The following TCF7L2 variants were observed in gnomAD, a reference collection of about 807,000 sequenced individuals.
TCF7L2 encodes the protein transcription factor 7-like 2.
A neutral mutation model predicts 77.9 loss-of-function variants in TCF7L2; 23 were observed. The observed-to-expected ratio is 0.30, with a 90% CI of 0.21 to 0.42. The LOEUF (loss-of-function observed/expected upper bound fraction) is 0.42, where lower values mean the gene tolerates loss of function less well. TCF7L2 is among the 10% of genes least tolerant of loss of function. The pLI is 1.00. For missense variants in TCF7L2, 654 were observed against 793.1 expected, an observed-to-expected ratio of 0.82 and a Z score of 2.11; for synonymous variants, 413 against 340.2, an observed-to-expected ratio of 1.21 and a Z score of -2.36.
At chr10:113,138,194 A>AT (rs961352464) in intron 5 of TCF7L2, among the ~76,000 whole-genome samples, 9 of 151,870 alleles carry the variant, frequency 5.9e-5, no homozygotes, top group African/African-American at 1.9e-4. Flanking sequence ...TACAGGTCCC[A>AT]TTTTTTCCCC....
chr10:113,042,292 C>G (rs1266874998), intron 5 of TCF7L2, among the ~76,000 whole-genome samples: 1 of 152,146 alleles, frequency 6.6e-6, no homozygotes, highest in Admixed American at 6.5e-5. Flanking sequence ...AGCAACTCCC[C>G]TGGGGCATAC....
intron 12 of TCF7L2, 117 bp downstream of exon 12, chr10:113,158,186 C>T: frequency 4.8e-6 from 5 of 1,046,176 alleles, no homozygotes; most frequent in Non-Finnish European, 7.1e-6. Flanking sequence ...TGTGGGGGAA[C>T]CCTTCTTAGC....
At chr10:113,120,414 T>G (rs2064584587) in intron 5 of TCF7L2, among the ~76,000 whole-genome samples, 1 of 152,206 alleles carries the variant, frequency 6.6e-6, no homozygotes, top group Non-Finnish European at 1.5e-5. Context: ...CGATTTAGTG[T>G]TGGGTCCTTC....
chr10:113,102,632 G>A (rs944123269), intron 5 of TCF7L2, among the ~76,000 whole-genome samples: 1 of 151,920 alleles, frequency 6.6e-6, no homozygotes, highest in Non-Finnish European at 1.5e-5. Context: ...CACCGTGTTG[G>A]CCAGGGTGGT....
intron 5 of TCF7L2, among the ~76,000 whole-genome samples, chr10:113,067,106 T>A (rs1210777296): frequency 6.6e-6 from 1 of 152,262 alleles, no homozygotes; most frequent in Non-Finnish European, 1.5e-5. Flanking sequence ...TCAAAGAATA[T>A]GCATTTCTGC....
chr10:113,057,991 G>A (rs2055693276), intron 5 of TCF7L2, among the ~76,000 whole-genome samples: 2 of 152,204 alleles, frequency 1.3e-5, no homozygotes, highest in South Asian at 4.1e-4. Context: ...GGGAGGTGTT[G>A]GAGCTGTGGT....
intron 5 of TCF7L2, among the ~76,000 whole-genome samples, chr10:113,137,644 G>T (rs1281992740): frequency 8.5e-5 from 13 of 152,208 alleles, no homozygotes; most frequent in Admixed American, 8.5e-4. Flanking sequence ...GGTCCAGAAG[G>T]ACCACTAAGC....
At chr10:113,107,752 TA>T (rs398014821) in intron 5 of TCF7L2, among the ~76,000 whole-genome samples, 9,052 of 54,930 alleles carry the variant, frequency 0.16, 350 homozygotes, top group Middle Eastern at 0.25. Flanking sequence ...AGACTCCGTC[TA>T]AAAAAAAAAA....
chr10:113,031,461 G>A (rs1414061749), intron 4 of TCF7L2, among the ~76,000 whole-genome samples: 1 of 151,048 alleles, frequency 6.6e-6, no homozygotes, highest in Non-Finnish European at 1.5e-5. Flanking sequence ...AAGCCAGCAA[G>A]GTTTGGATAC....
At chr10:113,098,458 G>A (rs2061297248) in intron 5 of TCF7L2, among the ~76,000 whole-genome samples, 1 of 152,084 alleles carries the variant, frequency 6.6e-6, no homozygotes, top group Non-Finnish European at 1.5e-5. Flanking sequence ...TGTAATCCCA[G>A]CACTTTGGGA....
intron 5 of TCF7L2, among the ~76,000 whole-genome samples, chr10:113,086,467 C>T (rs1233457811): frequency 7.2e-5 from 11 of 152,216 alleles, no homozygotes; most frequent in Admixed American, 6.5e-4. Context: ...TCTTATCTTT[C>T]CCTACAAGTC....
At chr10:113,106,560 G>A (rs939639658) in intron 5 of TCF7L2, among the ~76,000 whole-genome samples, 1 of 152,070 alleles carries the variant, frequency 6.6e-6, no homozygotes, top group African/African-American at 2.4e-5. Flanking sequence ...CGGATGCCCC[G>A]GGTGTTGATA....
intron 3 of TCF7L2, among the ~76,000 whole-genome samples, chr10:112,954,339 A>G (rs2032916104): frequency 6.6e-6 from 1 of 152,214 alleles, no homozygotes; most frequent in Non-Finnish European, 1.5e-5. Flanking sequence ...AACTCTCTGG[A>G]ACCCTGATTT....
At chr10:112,955,864 T>C (rs550259715) in intron 3 of TCF7L2, among the ~76,000 whole-genome samples, 23 of 152,132 alleles carry the variant, frequency 1.5e-4, no homozygotes, top group Non-Finnish European at 3.2e-4. Flanking sequence ...TTTAGAAAAC[T>C]AGCATTTTAA....
chr10:113,153,467 G>C (rs1341188049), intron 11 of TCF7L2, among the ~76,000 whole-genome samples: 1 of 152,196 alleles, frequency 6.6e-6, no homozygotes, highest in African/African-American at 2.4e-5. Context: ...TACTTTTCCA[G>C]TTACTTTTGA....
chr10:113,165,663 A>G lies in TCF7L2; in HGVS notation c.1500A>G (p.Leu500=), dbSNP rs2137649336. Residue 500 remains leucine (L), a synonymous_variant, in exon 14 of 14, where the codon CTA becomes CTG. Coordinates refer to ENST00000627217, the MANE Select transcript of TCF7L2 (RefSeq NM_001146274.2). ...CGCCTCCCCCCTCCCCGAACCTGCT[A>G]GGCTCCCCTCCCCGAGACGCCAAGT... 6.3e-7 allele frequency: 1 copy of G among 1,597,592 alleles called. No homozygotes were observed. Among genetic ancestry groups the G allele is most frequent in the Non-Finnish European group, 8.5e-7 (1 of 1,173,932 alleles).
chr10:113,158,819 A>G, intron 12 of TCF7L2, 102 bp downstream of exon 13: 2 of 1,228,282 alleles, frequency 1.6e-6, no homozygotes, highest in Non-Finnish European at 2.3e-6. Context: ...TGACATTTGA[A>G]CATTCTTTAA....
chr10:113,000,900 G>A (rs2044343214), intron 4 of TCF7L2, among the ~76,000 whole-genome samples: 1 of 152,140 alleles, frequency 6.6e-6, no homozygotes, highest in South Asian at 2.1e-4. Flanking sequence ...ACCCCGCTAG[G>A]GCCATTCCCC....
At chr10:113,041,594 G>C (rs2052453076) in intron 5 of TCF7L2, among the ~76,000 whole-genome samples, 1 of 152,162 alleles carries the variant, frequency 6.6e-6, no homozygotes, top group South Asian at 2.1e-4. Flanking sequence ...TTTGCTGACT[G>C]TAAATTGGGT....
Sources: allele counts gnomAD v4.1 joint callset (sites outside exome capture counted in the v4.1 genomes callset), GRCh38; gene constraint gnomAD v4.1.1; transcripts MANE v1.5; gene names NCBI Gene and HGNC (gene_info 2026-07-23, HGNC 2026-07-21).